ALK: variants seen among roughly 807,000 people sequenced by gnomAD.
ALK encodes ALK receptor tyrosine kinase.
Under a neutral mutation model 163.1 loss-of-function variants are expected in ALK, and 74 were observed. That is an observed-to-expected ratio of 0.45 (90% CI 0.38 to 0.55). ALK has a LOEUF of 0.55. Ranked by LOEUF, ALK falls within the 20% of genes least tolerant of loss-of-function variation. The pLI, the probability that ALK is intolerant of heterozygous loss-of-function variation, is 0.00. For missense variants in ALK, 2,063 were observed against 2,105.3 expected, an observed-to-expected ratio of 0.98 and a Z score of 0.39; for synonymous variants, 960 against 843.2, an observed-to-expected ratio of 1.14 and a Z score of -2.40.
chr2:29,481,192 A>G (rs1476395324), intron 4 of ALK, among the ~76,000 whole-genome samples: 6 of 152,232 alleles, frequency 3.9e-5, no homozygotes, highest in Non-Finnish European at 8.8e-5. Flanking sequence ...CTGGACTAGC[A>G]CTTGGAATCC....
chr2:29,293,635 A>G (rs909915119), intron 9 of ALK, among the ~76,000 whole-genome samples: 3 of 152,182 alleles, frequency 2.0e-5, no homozygotes, highest in African/African-American at 7.2e-5. Context: ...CAACTGCAAA[A>G]GCCTAGAAGT....
At chr2:29,581,363 G>T (rs146669798) in intron 3 of ALK, among the ~76,000 whole-genome samples, 1,651 of 152,220 alleles carry the variant, frequency 0.011, 10 homozygotes, top group African/African-American at 0.015. Flanking sequence ...ACTCCAGCCT[G>T]GGCGACAGAG....
At chr2:29,293,791 CAAAGCCACAG>C (rs1666102959) in intron 9 of ALK, among the ~76,000 whole-genome samples, 1 of 151,574 alleles carries the variant, frequency 6.6e-6, no homozygotes, top group Non-Finnish European at 1.5e-5. Context: ...AAGGCATCCC[CAAAGCCACAG>C]GAAGCCACAG....
chr2:29,266,801 A>T (rs1372348464), intron 11 of ALK, among the ~76,000 whole-genome samples: 1 of 152,182 alleles, frequency 6.6e-6, no homozygotes, highest in Non-Finnish European at 1.5e-5. Context: ...TATTGAATAC[A>T]TAGTCTTGAG....
chr2:29,498,034 T>G (rs750744443), intron 4 of ALK, among the ~76,000 whole-genome samples: 3 of 152,204 alleles, frequency 2.0e-5, no homozygotes, highest in Non-Finnish European at 4.4e-5. Context: ...TCATTAGGAT[T>G]CATTTCTTCC....
At chr2:29,482,843 T>C (rs1401925884) in intron 4 of ALK, among the ~76,000 whole-genome samples, 1 of 152,182 alleles carries the variant, frequency 6.6e-6, no homozygotes, top group Non-Finnish European at 1.5e-5. Flanking sequence ...CATGGATTAC[T>C]AAAATCCACA....
chr2:29,756,739 C>T lies in ALK; in HGVS notation c.668-39042G>A, dbSNP rs1205366577. Among the ~76,000 whole-genome samples the T allele has an allele frequency of 4.6e-5, 7 of 152,228 alleles. No individual in the cohort carries two copies. In the East Asian group the frequency reaches 7.7e-4, roughly 17 times the overall value. ...ACAGGGTTTCACCATGTTAGCCAGGCTTGTCTTGAAATCCTGGCCTCAAGT... is the reference window on the plus strand; with the variant it reads ...ACAGGGTTTCACCATGTTAGCCAGGTTTGTCTTGAAATCCTGGCCTCAAGT... On this transcript the variant is annotated intron_variant, in intron 1 of 28. Transcript: ENST00000389048.
At chr2:29,742,695 C>A (rs1190615852) in intron 1 of ALK, among the ~76,000 whole-genome samples, 2 of 152,246 alleles carry the variant, frequency 1.3e-5, no homozygotes, top group African/African-American at 4.8e-5. Context: ...CCAAACCTCA[C>A]TTATTCTCCC....
chr2:29,503,889 C>T (rs1216069111), intron 4 of ALK, among the ~76,000 whole-genome samples: 1 of 151,922 alleles, frequency 6.6e-6, no homozygotes, highest in Non-Finnish European at 1.5e-5. Flanking sequence ...AAAGTTCTTG[C>T]CCTCATGGAG....
At chr2:29,259,338 T>G (rs373783978) in intron 11 of ALK, among the ~76,000 whole-genome samples, 8 of 152,204 alleles carry the variant, frequency 5.3e-5, no homozygotes, top group African/African-American at 1.9e-4. Flanking sequence ...CCCGGGCAGA[T>G]AGCCATTACA....
chr2:29,650,336 C>A (rs1677003878), intron 3 of ALK, among the ~76,000 whole-genome samples: 1 of 152,166 alleles, frequency 6.6e-6, no homozygotes, highest in African/African-American at 2.4e-5. Flanking sequence ...AAATGCATCA[C>A]TTTGGAATTT....
At position 29,531,965 on chromosome 2, in the gene ALK, G is replaced by A. The variant is rs534481890; in HGVS notation, c.1104C>T (p.His368=). ...GGAGGATCTCTCTTGCAGCCTCGTT[G>A]TGGGGCAGCAGCTGGGCAATGTACC... ...SGRYIAQLLP[H]NEAAREILLM... Residue 368 remains histidine (H), a synonymous_variant, in exon 4 of 29, where the codon CAC becomes CAT. Coordinates refer to ENST00000389048, the MANE Select transcript of ALK (RefSeq NM_004304.5). 2 of 1,614,194 alleles carry A rather than the reference G, an allele frequency of 1.2e-6. No individual in the cohort carries two copies. Among genetic ancestry groups the A allele is most frequent in the African/African-American group, 1.3e-5 (1 of 75,052 alleles).
intron 12 of ALK, among the ~76,000 whole-genome samples, chr2:29,241,158 G>C (rs1664513432): frequency 6.6e-6 from 1 of 152,118 alleles, no homozygotes; most frequent in South Asian, 2.1e-4. Flanking sequence ...GCGGTGTAAG[G>C]CGTTGTGAAC....
chr2:29,649,217 T>TGA (rs141534978), intron 3 of ALK, among the ~76,000 whole-genome samples: 5,210 of 147,464 alleles, frequency 0.035, 117 homozygotes, highest in African/African-American at 0.069. Flanking sequence ...TGTGTGTATG[T>TGA]GAGAGAGAGA....
intron 1 of ALK, among the ~76,000 whole-genome samples, chr2:29,905,157 A>G (rs992513787): frequency 1.3e-5 from 2 of 152,274 alleles, no homozygotes; most frequent in African/African-American, 4.8e-5. Context: ...GATGTTATCA[A>G]ACATTCTCAT....
At chr2:29,367,649 C>T (rs145539085) in intron 5 of ALK, among the ~76,000 whole-genome samples, 1 of 152,308 alleles carries the variant, frequency 6.6e-6, no homozygotes, top group Non-Finnish European at 1.5e-5. Context: ...CATAATTGAT[C>T]AGCTCCCTGA....
At chr2:29,801,274 T>G (rs895008733) in intron 1 of ALK, among the ~76,000 whole-genome samples, 8 of 152,024 alleles carry the variant, frequency 5.3e-5, no homozygotes, top group Admixed American at 4.6e-4. Context: ...CAATTTCCAG[T>G]TCCTCTTCAT....
chr2:29,886,177 G>A (rs532580364), intron 1 of ALK, among the ~76,000 whole-genome samples: 1 of 152,118 alleles, frequency 6.6e-6, no homozygotes, highest in South Asian at 2.1e-4. Context: ...TTATTTTATT[G>A]TAAGAACACA....
Position 29,458,444 on chromosome 2 carries a change from G to T in ALK, c.1154+73471C>A, listed in dbSNP as rs561792859. 2.6e-4 allele frequency among the ~76,000 whole-genome samples: 40 copies of T among 152,224 alleles called. No homozygotes were observed. The South Asian group carries it at 6.6e-3, about 25-fold the overall frequency. On this transcript the variant is annotated intron_variant, in intron 4 of 28. Transcript: ENST00000389048. ...TCATCTGCACTTTCCAATGCTCTGG[G>T]CTAAGGAGATGTCGCTAATCATTAC...
Sources: allele counts gnomAD v4.1 joint callset (sites outside exome capture counted in the v4.1 genomes callset), GRCh38; gene constraint gnomAD v4.1.1; transcripts MANE v1.5; gene names NCBI Gene and HGNC (gene_info 2026-07-23, HGNC 2026-07-21).